The following SLC1A4 variants were observed in gnomAD, a reference collection of about 807,000 sequenced individuals.
SLC1A4 encodes neutral amino acid transporter A.
SLC1A4 carries 19 observed loss-of-function variants against 37.7 expected under a neutral mutation model. That is an observed-to-expected ratio of 0.50 (90% CI 0.35 to 0.74). The LOEUF is 0.74. Among genes scored for constraint, SLC1A4 ranks in the 30% least tolerant of loss-of-function variants. SLC1A4 has a pLI of 0.01. For synonymous variants in SLC1A4, 299 were observed against 309.8 expected (o/e 0.97, Z 0.37); for missense variants, 570 against 712.9 (o/e 0.80, Z 2.28).
intron 1 of SLC1A4, 71 bp downstream of exon 1, chr2:64,990,241 C>T: frequency 7.4e-7 from 1 of 1,347,136 alleles, no homozygotes; most frequent in Non-Finnish European, 1.0e-6. Context: ...GTTCATACAC[C>T]CATATGCTTA....
chr2:65,010,969 T>A (rs747347793), intron 4 of SLC1A4, among the ~76,000 whole-genome samples: 1 of 152,222 alleles, frequency 6.6e-6, no homozygotes. Context: ...GAGCCAGGCA[T>A]GCACCACACT....
At chr2:64,990,287 G>A in intron 1 of SLC1A4, 117 bp downstream of exon 1, 1 of 1,058,196 alleles carries the variant, frequency 9.5e-7, no homozygotes, top group African/African-American at 1.6e-5. Context: ...CTGGCTGCTG[G>A]TGGCGTTTAA....
At chr2:65,017,274 C>A (rs1304315921) in intron 5 of SLC1A4, among the ~76,000 whole-genome samples, 2 of 151,380 alleles carry the variant, frequency 1.3e-5, no homozygotes, top group Non-Finnish European at 2.9e-5. Flanking sequence ...GCTTAGCCCT[C>A]TAGGAGTCCA....
intron 4 of SLC1A4, among the ~76,000 whole-genome samples, chr2:65,012,381 G>T (rs558016893): frequency 6.6e-6 from 1 of 152,126 alleles, no homozygotes; most frequent in Non-Finnish European, 1.5e-5. Context: ...GAGCCACCGC[G>T]CCCAGCCTAC....
chr2:65,016,414 A>G, intron 4 of SLC1A4, 26 bp from the exon 5 acceptor site: 1 of 1,575,108 alleles, frequency 6.3e-7, no homozygotes, highest in Non-Finnish European at 8.7e-7. Context: ...TCCCCCACTG[A>G]TGAGTACCCT....
chr2:64,997,680 T>C (rs1017314280), intron 1 of SLC1A4, among the ~76,000 whole-genome samples: 1 of 152,262 alleles, frequency 6.6e-6, no homozygotes, highest in Non-Finnish European at 1.5e-5. Context: ...TTCCGTTGTA[T>C]GGAGTTTTCA....
intron 1 of SLC1A4, among the ~76,000 whole-genome samples, chr2:64,991,755 C>A (rs990515515): frequency 6.6e-6 from 1 of 152,168 alleles, no homozygotes; most frequent in East Asian, 1.9e-4. Context: ...CGCGTGCCAC[C>A]ACGCCCGGCT....
intron 7 of SLC1A4, among the ~76,000 whole-genome samples, chr2:65,019,810 C>G (rs1315668110): frequency 2.0e-5 from 3 of 152,318 alleles, no homozygotes; most frequent in Non-Finnish European, 4.4e-5. Context: ...GAAGAGGCAT[C>G]AAAGAGGTGC....
Position 65,021,356 on chromosome 2 carries a change from C to A in SLC1A4, c.*210C>A. On this transcript the variant is annotated 3_prime_UTR_variant, in exon 8 of 8. Coordinates refer to ENST00000234256, the MANE Select transcript of SLC1A4 (RefSeq NM_003038.5). Reference sequence around the variant, plus strand: ...CCAAGGACAAGGACACTCTGACATTCGGCTTGATCCATGTCCAGGTGCAAC... The same window carrying A: ...CCAAGGACAAGGACACTCTGACATTAGGCTTGATCCATGTCCAGGTGCAAC... 3.5e-6 allele frequency: 2 copies of A among 577,390 alleles called. No individual in the cohort carries two copies. Among genetic ancestry groups the A allele is most frequent in the East Asian group, 5.7e-5 (2 of 34,902 alleles). 35.8% of individuals were successfully genotyped at this position (577,390 alleles called of 1,614,324 possible).
At chr2:65,016,091 GGC>G (rs1674116568) in intron 4 of SLC1A4, among the ~76,000 whole-genome samples, 2 of 152,200 alleles carry the variant, frequency 1.3e-5, no homozygotes, top group African/African-American at 4.8e-5. Flanking sequence ...CCAAAAGTCA[GGC>G]TTACAGTCCT....
chr2:64,992,632 A>T (rs1673102545), intron 1 of SLC1A4, among the ~76,000 whole-genome samples: 1 of 152,182 alleles, frequency 6.6e-6, no homozygotes, highest in Non-Finnish European at 1.5e-5. Context: ...CTTATAAAGA[A>T]GAGATTAGAA....
At chr2:65,019,698 C>T (rs1674329784) in intron 7 of SLC1A4, among the ~76,000 whole-genome samples, 1 of 152,206 alleles carries the variant, frequency 6.6e-6, no homozygotes, top group African/African-American at 2.4e-5. Flanking sequence ...TGCGCAGACA[C>T]CTCATCAGAG....
intron 5 of SLC1A4, among the ~76,000 whole-genome samples, chr2:65,017,772 C>T (rs7601562): frequency 4.4e-4 from 67 of 152,244 alleles, no homozygotes; most frequent in African/African-American, 1.6e-3. Context: ...TTTGTTCTCT[C>T]GGGAACGTTT....
chr2:65,008,492 C>T (rs1243635725), intron 3 of SLC1A4, among the ~76,000 whole-genome samples: 1 of 152,108 alleles, frequency 6.6e-6, no homozygotes, highest in East Asian at 1.9e-4. Context: ...ATAAATAAAC[C>T]TAGCCTGGCA....
At chr2:65,008,018 T>G (rs532430395) in intron 3 of SLC1A4, among the ~76,000 whole-genome samples, 2 of 152,186 alleles carry the variant, frequency 1.3e-5, no homozygotes, top group Admixed American at 6.5e-5. Flanking sequence ...ACCACCAATC[T>G]ACTCTTTGTC....
At chr2:65,006,057 G>T (rs1349810036) in intron 3 of SLC1A4, among the ~76,000 whole-genome samples, 1 of 151,578 alleles carries the variant, frequency 6.6e-6, no homozygotes, top group Non-Finnish European at 1.5e-5. Context: ...AACACTAATT[G>T]TCTCTTCAAT....
At position 65,016,592 on chromosome 2, in the gene SLC1A4, T is replaced by G; in HGVS notation, c.953T>G (p.Phe318Cys). Residue 318 changes from phenylalanine (F) to cysteine (C), a missense_variant, in exon 5 of 8, where the codon TTT (phenylalanine) becomes TGT (cysteine). Physicochemically the swap from Phe to Cys is radical, Grantham distance 205 (BLOSUM62 -2). Coordinates refer to ENST00000234256, the MANE Select transcript of SLC1A4 (RefSeq NM_003038.5). ...GGAATTGTTCTGCCACTTATTTATT[T>G]TGTTTTCACACGAAAAAACCCATTC... ...HGGIVLPLIY[F>C]VFTRKNPFRF... The G allele has an allele frequency of 6.2e-7, 1 of 1,614,258 alleles. No individual in the cohort carries two copies. The highest frequency in any genetic ancestry group is 8.5e-7 in the Non-Finnish European group (1 of 1,180,052).
intron 4 of SLC1A4, among the ~76,000 whole-genome samples, chr2:65,014,373 T>C (rs192244381): frequency 3.0e-4 from 46 of 152,240 alleles, no homozygotes; most frequent in Admixed American, 2.6e-3. Flanking sequence ...TCAACCTCAT[T>C]AGAAATAAGG....
intron 5 of SLC1A4, among the ~76,000 whole-genome samples, chr2:65,017,731 A>G (rs1003715649): frequency 5.3e-5 from 8 of 152,238 alleles, no homozygotes; most frequent in Non-Finnish European, 1.0e-4. Flanking sequence ...AACACTCAAG[A>G]GAGGAGATGC....
Sources: allele counts gnomAD v4.1 joint callset (sites outside exome capture counted in the v4.1 genomes callset), GRCh38; gene constraint gnomAD v4.1.1; transcripts MANE v1.5; gene names NCBI Gene and HGNC (gene_info 2026-07-23, HGNC 2026-07-21).